ADGRL2: variants seen among roughly 807,000 people sequenced by gnomAD.
The protein encoded by ADGRL2 is adhesion G protein-coupled receptor L2.
In ADGRL2, 44 loss-of-function variants were observed where a neutral mutation model predicts 157.4. The observed-to-expected ratio is 0.28, with a 90% CI of 0.22 to 0.36. The LOEUF is 0.36. Ranked by LOEUF, ADGRL2 falls within the 10% of genes least tolerant of loss-of-function variation. The pLI is 1.00. For synonymous variants in ADGRL2, 585 were observed against 624.7 expected (o/e 0.94, Z 0.95); for missense variants, 1,510 against 1,768.9 (o/e 0.85, Z 2.63).
intron 3 of ADGRL2, among the ~76,000 whole-genome samples, chr1:81,583,891 C>G (rs2080969129): frequency 6.6e-6 from 1 of 152,116 alleles, no homozygotes; most frequent in East Asian, 1.9e-4. Flanking sequence ...ACTTGCTTTT[C>G]ATTTGAAAGA....
intron 19 of ADGRL2, among the ~76,000 whole-genome samples, chr1:81,983,594 G>A (rs1272482302): frequency 1.3e-5 from 2 of 151,952 alleles, no homozygotes; most frequent in Non-Finnish European, 2.9e-5. Flanking sequence ...GAGTGTTTTT[G>A]TAACCTATTA....
At chr1:81,896,241 C>T (rs1018552841) in intron 2 of ADGRL2, among the ~76,000 whole-genome samples, 3 of 152,120 alleles carry the variant, frequency 2.0e-5, no homozygotes, top group South Asian at 2.1e-4. Context: ...TAGGACAATG[C>T]GAATGACTTC....
chr1:81,516,191 C>G (rs2079173909), intron 2 of ADGRL2, among the ~76,000 whole-genome samples: 2 of 152,146 alleles, frequency 1.3e-5, no homozygotes, highest in Non-Finnish European at 2.9e-5. Context: ...TGTTTTAAGG[C>G]TTTTGAAATA....
rs892332122 is a variant in ADGRL2 at position 81,991,174 on chromosome 1, C to T, written c.*29C>T. On this transcript the variant is annotated 3_prime_UTR_variant, in exon 24 of 24. Coordinates refer to ENST00000686636, the MANE Select transcript of ADGRL2 (RefSeq NM_001366006.2). Reference sequence around the variant, plus strand: ...TACAGCTAAGGAATTCCAAGGGCCACATGCGAGTATTAATAAATAAAGACA... The same window carrying T: ...TACAGCTAAGGAATTCCAAGGGCCATATGCGAGTATTAATAAATAAAGACA... The T allele has an allele frequency of 2.6e-6, 4 of 1,563,768 alleles. No individual in the cohort carries two copies. The highest frequency in any genetic ancestry group is 1.8e-5 in the Admixed American group (1 of 54,944).
intron 2 of ADGRL2, among the ~76,000 whole-genome samples, chr1:81,783,783 A>T (rs1199996930): frequency 6.6e-6 from 1 of 152,208 alleles, no homozygotes; most frequent in East Asian, 1.9e-4. Flanking sequence ...GAGCTTATAC[A>T]AGTTTAGGTA....
intron 1 of ADGRL2, among the ~76,000 whole-genome samples, chr1:81,361,638 G>A (rs530668974): frequency 1.3e-5 from 2 of 152,004 alleles, no homozygotes; most frequent in South Asian, 4.1e-4. Context: ...CAATTGCTTA[G>A]AAAAATAAGC....
At chr1:81,359,049 G>T (rs2100896307) in intron 1 of ADGRL2, among the ~76,000 whole-genome samples, 1 of 151,946 alleles carries the variant, frequency 6.6e-6, no homozygotes, top group South Asian at 2.1e-4. Context: ...AAGGGACTTG[G>T]GTTCTGCCAA....
intron 3 of ADGRL2, among the ~76,000 whole-genome samples, chr1:81,677,273 C>A (rs1215921762): frequency 6.6e-6 from 1 of 152,174 alleles, no homozygotes; most frequent in Non-Finnish European, 1.5e-5. Flanking sequence ...GCATGAGCCA[C>A]CACACCTGGC....
intron 2 of ADGRL2, among the ~76,000 whole-genome samples, chr1:81,781,020 T>C (rs1354686815): frequency 6.6e-6 from 1 of 152,232 alleles, no homozygotes; most frequent in African/African-American, 2.4e-5. Flanking sequence ...GTTGTGAGCA[T>C]TGATACAGAA....
At chr1:81,979,287 A>G (rs1159769730) in intron 17 of ADGRL2, among the ~76,000 whole-genome samples, 3 of 151,864 alleles carry the variant, frequency 2.0e-5, no homozygotes, top group East Asian at 3.9e-4. Context: ...AGACATAGAA[A>G]AAAAAGACTG....
At chr1:81,802,170 C>T (rs1426761622) in intron 1 of ADGRL2, among the ~76,000 whole-genome samples, 1 of 151,738 alleles carries the variant, frequency 6.6e-6, no homozygotes, top group Admixed American at 6.6e-5. Flanking sequence ...CCCTCCGCGC[C>T]TGTCCCCGCG....
intron 1 of ADGRL2, among the ~76,000 whole-genome samples, chr1:81,832,444 G>A (rs975595760): frequency 1.3e-5 from 2 of 152,092 alleles, no homozygotes; most frequent in African/African-American, 2.4e-5. Flanking sequence ...TGCCCGGCCT[G>A]AACTTTCTAA....
At chr1:81,309,720 C>G (rs2100539341) in intron 1 of ADGRL2, among the ~76,000 whole-genome samples, 1 of 152,164 alleles carries the variant, frequency 6.6e-6, no homozygotes, top group East Asian at 1.9e-4. Context: ...TGTCTTTTAC[C>G]TCAAGGAGTT....
intron 1 of ADGRL2, among the ~76,000 whole-genome samples, chr1:81,376,195 T>C (rs551370815): frequency 1.3e-5 from 2 of 152,170 alleles, no homozygotes; most frequent in Non-Finnish European, 2.9e-5. Context: ...AACTGTAAAA[T>C]CCAAAGCTGG....
At chr1:81,835,996 C>T (rs1030501981) in intron 1 of ADGRL2, among the ~76,000 whole-genome samples, 3 of 152,028 alleles carry the variant, frequency 2.0e-5, no homozygotes, top group Non-Finnish European at 2.9e-5. Flanking sequence ...TGATAAGCTA[C>T]ATGAAGCATG....
In ADGRL2 at chr1:81,894,199, G is replaced by A. The variant is rs80249029; in HGVS notation, c.74-12818G>A. Among the ~76,000 whole-genome samples the A allele has an allele frequency of 3.4e-3, 518 of 152,256 alleles. 21 individuals are homozygous for A. The South Asian group carries it at 0.054, about 16-fold the overall frequency. ...CATTGTCTAAAGGAGGAATTCAAAT[G>A]TGTTAAGGACACAGATACATAATGA... On this transcript the variant is annotated intron_variant, in intron 2 of 23. Coordinates refer to ENST00000686636, the MANE Select transcript of ADGRL2 (RefSeq NM_001366006.2).
intron 3 of ADGRL2, among the ~76,000 whole-genome samples, chr1:81,912,679 A>C (rs1384197239): frequency 1.3e-5 from 2 of 152,184 alleles, no homozygotes; most frequent in East Asian, 1.9e-4. Flanking sequence ...ATAAAAAAAA[A>C]CGGAACAGAC....
At chr1:81,593,267 T>C (rs2148597587) in intron 3 of ADGRL2, among the ~76,000 whole-genome samples, 1 of 152,312 alleles carries the variant, frequency 6.6e-6, no homozygotes, top group South Asian at 2.1e-4. Flanking sequence ...TCCTATCACC[T>C]GGCGCTCACT....
At chr1:81,697,138 T>A (rs1054877643), upstream of ADGRL2, among the ~76,000 whole-genome samples, 2 of 152,200 alleles carry the variant, frequency 1.3e-5, no homozygotes, top group Non-Finnish European at 2.9e-5. Context: ...TTAAAAGTGA[T>A]TAAGAATGAA....
Sources: allele counts gnomAD v4.1 joint callset (sites outside exome capture counted in the v4.1 genomes callset), GRCh38; gene constraint gnomAD v4.1.1; transcripts MANE v1.5; gene names NCBI Gene and HGNC (gene_info 2026-07-23, HGNC 2026-07-21).